Variants in THSD7A observed in about 807,000 individuals in gnomAD.
The protein encoded by THSD7A is thrombospondin type 1 domain containing 7A, also known as thrombospondin type-1 domain-containing protein 7A.
THSD7A carries 96 observed loss-of-function variants against 231.3 expected under a neutral mutation model. The ratio of observed to expected loss-of-function variants is 0.41; its 90% CI spans 0.35 to 0.49. THSD7A has a LOEUF of 0.49. Among genes scored for constraint, THSD7A ranks in the 20% least tolerant of loss-of-function variants. The pLI, the probability that THSD7A is intolerant of heterozygous loss-of-function variation, is 0.05. For missense variants in THSD7A, 2,290 were observed against 2,070.2 expected, an observed-to-expected ratio of 1.11 and a Z score of -2.06; for synonymous variants, 940 against 743.3, an observed-to-expected ratio of 1.26 and a Z score of -4.30.
At chr7:11,550,326 G>C (rs1789574949) in intron 4 of THSD7A, among the ~76,000 whole-genome samples, 1 of 152,086 alleles carries the variant, frequency 6.6e-6, no homozygotes, top group Admixed American at 6.6e-5. Flanking sequence ...ACTGCTCAAA[G>C]AAACCAGAAG....
chr7:11,387,616 G>C (rs946933041), intron 23 of THSD7A, among the ~76,000 whole-genome samples: 1 of 152,126 alleles, frequency 6.6e-6, no homozygotes, highest in African/African-American at 2.4e-5. Context: ...GGGCTGATAT[G>C]ATGGGGTTTT....
chr7:11,740,663 G>T (rs1782083030), intron 1 of THSD7A, among the ~76,000 whole-genome samples: 1 of 151,806 alleles, frequency 6.6e-6, no homozygotes, highest in African/African-American at 2.4e-5. Context: ...GTCACCTTTT[G>T]AGAAATGCTC....
At chr7:11,786,924 C>T (rs1235199008) in intron 1 of THSD7A, among the ~76,000 whole-genome samples, 2 of 152,040 alleles carry the variant, frequency 1.3e-5, no homozygotes, top group African/African-American at 4.8e-5. Context: ...GAGCAGTAGT[C>T]ACAAACTGGT....
At chr7:11,462,263 G>A in intron 9 of THSD7A, 120 bp from the exon 10 acceptor site, 3 of 1,051,068 alleles carry the variant, frequency 2.9e-6, no homozygotes, top group East Asian at 2.6e-5. Context: ...TCCCTGAGAG[G>A]CTTCACCTGG....
rs1232876473 is a variant in THSD7A at position 11,474,690 on chromosome 7, T to A, written c.2018-122A>T. ...GTGACTTTTCTTCCCCACATCAAGTTCATAAATACACGCAATATTTATGTG... is the reference window on the plus strand; with the variant it reads ...GTGACTTTTCTTCCCCACATCAAGTACATAAATACACGCAATATTTATGTG... On this transcript the variant is annotated intron_variant, in intron 7 of 27. Transcript: ENST00000423059. The surrounding 1 kb of genome is among the most constrained non-coding windows in gnomAD (Gnocchi z 4.1). 5.5e-6 allele frequency: 4 copies of A among 732,004 alleles called. No individual in the cohort carries two copies. In the East Asian group the frequency reaches 1.1e-4, roughly 20 times the overall value. The allele number at this position is 732,004 out of a possible 1,614,324, so 45.3% of individuals were successfully genotyped here.
At chr7:11,394,827 C>A (rs80041659) in intron 23 of THSD7A, among the ~76,000 whole-genome samples, 1 of 152,032 alleles carries the variant, frequency 6.6e-6, no homozygotes, top group African/African-American at 2.4e-5. Context: ...ATTCATCGGT[C>A]GGCCAGGGTC....
In THSD7A at chr7:11,542,473, A is replaced by G. The variant is rs1463326903; in HGVS notation, c.1609+489T>C. On this transcript the variant is annotated intron_variant, in intron 5 of 27. Transcript: ENST00000423059. ...CATATGAAAGTAATACAGTTTTTAC[A>G]TTTTTTTCTTCAAAGTAATAAGCAG... Among the ~76,000 whole-genome samples, 6 of 152,214 alleles carry G rather than the reference A, an allele frequency of 3.9e-5. No homozygotes were observed. The East Asian group carries it at 9.7e-4, about 25-fold the overall frequency.
At chr7:11,533,643 T>A (rs6962573) in intron 6 of THSD7A, among the ~76,000 whole-genome samples, 3 of 151,812 alleles carry the variant, frequency 2.0e-5, no homozygotes, top group Admixed American at 2.0e-4. Context: ...CACAGGAAGA[T>A]AAAACCAAAT....
chr7:11,680,079 A>C (rs1160483366), intron 1 of THSD7A, among the ~76,000 whole-genome samples: 1 of 144,750 alleles, frequency 6.9e-6, no homozygotes, highest in Non-Finnish European at 1.5e-5. Context: ...AAAACTGACA[A>C]AAAAAAAAAA....
rs369064879 is a variant in THSD7A, at chr7:11,618,400, TA to T, written c.1022+17729del. 2.2e-4 allele frequency among the ~76,000 whole-genome samples: 33 copies of T among 152,348 alleles called. 1 individual carries two copies. Among genetic ancestry groups the T allele is most frequent in the Middle Eastern group, 3.4e-3 (1 of 294 alleles). ...AAAAATGAGCAAGATAAATTGTGTG[TA>T]TGTGTAAAATCAGTATGTGTAGGTT... On this transcript the variant is annotated intron_variant, in intron 2 of 27. Coordinates refer to ENST00000423059, the MANE Select transcript of THSD7A (RefSeq NM_015204.3).
At chr7:11,761,916 C>G (rs537033227) in intron 1 of THSD7A, among the ~76,000 whole-genome samples, 5 of 152,168 alleles carry the variant, frequency 3.3e-5, no homozygotes, top group South Asian at 2.1e-4. Flanking sequence ...CTCCTTCCCC[C>G]CTTTTGGAGT....
intron 4 of THSD7A, among the ~76,000 whole-genome samples, chr7:11,589,982 G>C (rs755181577): frequency 1.5e-4 from 23 of 152,026 alleles, no homozygotes; most frequent in Admixed American, 4.6e-4. Context: ...TTTTACTGTA[G>C]TTTCTATTCT....
rs1032071812 is a variant in THSD7A, at chr7:11,814,332, A to T, written c.190+17425T>A. ...TGGCTCTGTGATGGCAATCCCAAGT[A>T]TTCAGCACGTGACAAACAAAGGAGA... On this transcript the variant is annotated intron_variant, in intron 1 of 27. Transcript: ENST00000423059. The surrounding 1 kb of genome is among the most constrained non-coding windows in gnomAD (Gnocchi z 5.1). 3.9e-5 allele frequency among the ~76,000 whole-genome samples: 6 copies of T among 152,220 alleles called. No homozygotes were observed. The highest frequency in any genetic ancestry group is 2.6e-4 in the Admixed American group (4 of 15,284).
intron 2 of THSD7A, among the ~76,000 whole-genome samples, chr7:11,595,553 A>G (rs1251804334): frequency 6.6e-6 from 1 of 152,146 alleles, no homozygotes; most frequent in East Asian, 1.9e-4. Context: ...CCCCTGGTTT[A>G]ATGTAGAGGA....
chr7:11,567,351 A>T (rs1036274144), intron 4 of THSD7A, among the ~76,000 whole-genome samples: 1 of 151,870 alleles, frequency 6.6e-6, no homozygotes, highest in Non-Finnish European at 1.5e-5. Context: ...GAACTCACTC[A>T]CTGTCACGAG....
chr7:11,646,960 T>C (rs1782307078), intron 1 of THSD7A, among the ~76,000 whole-genome samples: 1 of 152,086 alleles, frequency 6.6e-6, no homozygotes, highest in Admixed American at 6.6e-5. Flanking sequence ...TCCACTGCTA[T>C]AGGTGCCTGG....
At chr7:11,571,698 G>T (rs75647705) in intron 4 of THSD7A, among the ~76,000 whole-genome samples, 2,616 of 152,228 alleles carry the variant, frequency 0.017, 40 homozygotes, top group Non-Finnish European at 0.022. Context: ...ACCAAATGTA[G>T]TCGTTCAGTT....
At chr7:11,756,113 T>C (rs973493099) in intron 1 of THSD7A, among the ~76,000 whole-genome samples, 1 of 152,154 alleles carries the variant, frequency 6.6e-6, no homozygotes, top group African/African-American at 2.4e-5. Context: ...ATTTGCAGAA[T>C]GTACCAGGTT....
chr7:11,750,579 T>C (rs547107340), intron 1 of THSD7A, among the ~76,000 whole-genome samples: 4 of 152,096 alleles, frequency 2.6e-5, no homozygotes, highest in South Asian at 2.1e-4. Context: ...GAGATTACCA[T>C]GGGGACCCCA....
Sources: gnomAD v4.1 joint callset for allele counts (sites outside exome capture counted in the v4.1 genomes callset) on GRCh38, gnomAD v4.1.1 for gene constraint, Gnocchi (gnomAD v3.1) non-coding constraint, MANE v1.5 for transcripts, NCBI Gene and HGNC (gene_info 2026-07-23, HGNC 2026-07-21) for gene names.